The following PLEKHA6 variants were observed in gnomAD, a reference collection of about 807,000 sequenced individuals.
PLEKHA6 encodes the protein pleckstrin homology domain-containing family A member 6.
In PLEKHA6, 60 loss-of-function variants were observed where a neutral mutation model predicts 116.7. The ratio of observed to expected loss-of-function variants is 0.51; its 90% confidence interval spans 0.42 to 0.64. The LOEUF (loss-of-function observed/expected upper bound fraction) is 0.64. PLEKHA6 is among the 30% of genes least tolerant of loss of function. The pLI is 0.00. For missense variants in PLEKHA6, 1,338 were observed against 1,422.7 expected (o/e 0.94, Z 0.96); for synonymous variants, 489 against 556.1 (o/e 0.88, Z 1.70).
At chr1:204,325,307 A>G (rs1672203666) in intron 1 of PLEKHA6, among the ~76,000 whole-genome samples, 1 of 152,150 alleles carries the variant, frequency 6.6e-6, no homozygotes, top group Non-Finnish European at 1.5e-5. Context: ...CAATAAAGAG[A>G]AATGCAAACT....
rs752547213 is a variant in PLEKHA6, at chr1:204,259,209, C to T, written c.1007+49G>A. The T allele has an allele frequency of 2.5e-6, 4 of 1,586,876 alleles. No individual in the cohort carries two copies. The African/African-American group carries it at 4.0e-5, about 16-fold the overall frequency. On this transcript the variant is annotated intron_variant, in intron 8 of 22. Coordinates refer to ENST00000272203, the MANE Select transcript of PLEKHA6 (RefSeq NM_014935.5). The surrounding 1 kb of genome is among the most constrained non-coding windows in gnomAD (Gnocchi z 4.6). The stretch of plus-strand genomic sequence containing the variant: ...TGGGCTATGACCCCACTCGCACGCT[C>T]TAGCCATAATACCATATCAGCCCCA...
chr1:204,343,570 A>G (rs1672921838), intron 1 of PLEKHA6, among the ~76,000 whole-genome samples: 1 of 152,230 alleles, frequency 6.6e-6, no homozygotes, highest in Admixed American at 6.5e-5. Context: ...CTCTTGAAAC[A>G]ATGATAAACA....
intron 1 of PLEKHA6, among the ~76,000 whole-genome samples, chr1:204,335,609 C>T (rs551171136): frequency 6.6e-6 from 1 of 152,220 alleles, no homozygotes; most frequent in East Asian, 1.9e-4. Flanking sequence ...CAGCCCCCAG[C>T]TCCAGGACTG....
In PLEKHA6 at chr1:204,250,534, C is replaced by T. The variant is rs202076828; in HGVS notation, c.1593+12G>A. ...TGGAGTGGAGGGAGGGAGCAGGGGGCGCTGCTCTTACATCTGTGTCTTGCT... is the reference window on the plus strand; with the variant it reads ...TGGAGTGGAGGGAGGGAGCAGGGGGTGCTGCTCTTACATCTGTGTCTTGCT... On this transcript the variant is annotated intron_variant, in intron 10 of 22. Coordinates refer to ENST00000272203, the MANE Select transcript of PLEKHA6 (RefSeq NM_014935.5). 1.6e-3 allele frequency: 2,607 copies of T among 1,602,588 alleles called. 6 individuals are homozygous for T. Among genetic ancestry groups the T allele is most frequent in the Non-Finnish European group, 2.0e-3 (2,399 of 1,170,416 alleles).
chr1:204,248,914 G>T lies in PLEKHA6; in HGVS notation c.1731C>A (p.Ser577Arg). The change falls in exon 12 of 23, where the codon AGC becomes AGA. Residue 577 changes from serine (S) to arginine (R), a missense_variant. Transcript: ENST00000272203. The stretch of plus-strand genomic sequence containing the variant: ...GCAGCTTTTCTGGGTAGGCGGGCTG[G>T]CTTCCAAACATCTCCAGCTCCTGGT... ...GTHQELEMFG[S>R]QPAYPEKLRH... The T allele has an allele frequency of 6.2e-7, 1 of 1,614,070 alleles. No individual in the cohort carries two copies. The highest frequency in any genetic ancestry group is 8.5e-7 in the Non-Finnish European group (1 of 1,179,960).
intron 1 of PLEKHA6, among the ~76,000 whole-genome samples, chr1:204,285,485 G>GT (rs370431108): frequency 4.0e-5 from 6 of 148,990 alleles, no homozygotes; most frequent in East Asian, 4.0e-4. Context: ...TTTTGTTTTT[G>GT]TTTTTTTTGA....
intron 14 of PLEKHA6, 90 bp downstream of exon 14, chr1:204,245,525 T>G: frequency 1.2e-4 from 96 of 773,316 alleles, no homozygotes; most frequent in Non-Finnish European, 1.8e-4. Flanking sequence ...GAACACAGTG[T>G]GAGCTGGCAG....
intron 1 of PLEKHA6, chr1:204,296,986 T>C (rs543481380): frequency 6.1e-4 from 216 of 355,740 alleles, no homozygotes; most frequent in African/African-American, 4.4e-3. Context: ...AAGAAAGGAG[T>C]TCAGATTTAG....
chr1:204,318,202 C>T (rs1183201618), intron 1 of PLEKHA6, among the ~76,000 whole-genome samples: 1 of 152,172 alleles, frequency 6.6e-6, no homozygotes, highest in Non-Finnish European at 1.5e-5. Flanking sequence ...GGTGTCTGTC[C>T]TGGCTTTAGA....
Position 204,259,867 on chromosome 1 carries a change from A to C in PLEKHA6, c.525-127T>G. 1.0e-6 allele frequency: 1 copy of C among 968,576 alleles called. No individual in the cohort carries two copies. The highest frequency in any genetic ancestry group is 2.6e-5 in the East Asian group (1 of 38,512). 60.0% of individuals were successfully genotyped at this position (968,576 alleles called of 1,614,324 possible). On this transcript the variant is annotated intron_variant, in intron 7 of 22. Transcript: ENST00000272203. The surrounding 1 kb of genome is among the most constrained non-coding windows in gnomAD (Gnocchi z 4.6). ...GGGAGGTGGCTGGAACCAGGATTCT[A>C]TGAACTCCAGTTCTGCTTCCTAAGT...
Position 204,247,447 on chromosome 1 carries a change from CTGTT to C in PLEKHA6, c.1834_1837del (p.Asn612AlafsTer3). 7 of 1,611,764 alleles carry C rather than the reference CTGTT, an allele frequency of 4.3e-6. No individual in the cohort carries two copies. The highest frequency in any genetic ancestry group is 5.9e-6 in the Non-Finnish European group (7 of 1,178,190). ...CTCGAGGTGCTCATACTCTATGGTG[CTGTT>C]TGTCAGGGCCTACGGGGGAAAGAGG... On this transcript the variant is annotated frameshift_variant, in exon 13 of 23. Transcript: ENST00000272203. LOFTEE classifies it high-confidence loss of function.
intron 1 of PLEKHA6, among the ~76,000 whole-genome samples, chr1:204,293,487 A>C (rs1669977679): frequency 6.6e-6 from 1 of 152,144 alleles, no homozygotes; most frequent in Non-Finnish European, 1.5e-5. Context: ...AACATTAAAA[A>C]CCCATGATGA....
In PLEKHA6 at chr1:204,280,005, T is replaced by A. The variant is rs557915761; in HGVS notation, c.-94-5196A>T. Reference sequence around the variant, plus strand: ...TATGCCAGATGAAGGAGCGAAAAAATGAAAAATACTTAGTCCCAGGCTTAA... The same window carrying A: ...TATGCCAGATGAAGGAGCGAAAAAAAGAAAAATACTTAGTCCCAGGCTTAA... On this transcript the variant is annotated intron_variant, in intron 1 of 22. Transcript: ENST00000272203. 2.6e-5 allele frequency among the ~76,000 whole-genome samples: 4 copies of A among 151,982 alleles called. No individual in the cohort carries two copies. The East Asian group carries it at 7.7e-4, about 29-fold the overall frequency.
chr1:204,301,625 A>C, intron 1 of PLEKHA6: 1 of 220,024 alleles, frequency 4.5e-6, no homozygotes, highest in Non-Finnish European at 7.7e-6. Flanking sequence ...GGAAACAGAG[A>C]GAAGGGGGGC....
At chr1:204,362,259 A>T (rs1673576678), upstream of PLEKHA6, among the ~76,000 whole-genome samples, 1 of 152,178 alleles carries the variant, frequency 6.6e-6, no homozygotes, top group Non-Finnish European at 1.5e-5. Context: ...AGCCCAGAAG[A>T]GGAGAAGCAA....
chr1:204,228,016 G>C lies in PLEKHA6; in HGVS notation c.3031+67C>G, dbSNP rs1056235080. On this transcript the variant is annotated intron_variant, in intron 21 of 22. Transcript: ENST00000272203. This position sits in a 1 kb window ranked among gnomAD's most constrained non-coding sequence, Gnocchi z 4.0. ...ACTGCCCCCCTTGTAGCAGTGCCAC[G>C]CTTCCTCCCTTAAACCTGGTCAGCT... The C allele has an allele frequency of 2.6e-6, 4 of 1,519,960 alleles. No homozygotes were observed. In the South Asian group the frequency reaches 4.8e-5, roughly 18 times the overall value. 94.2% of individuals were successfully genotyped at this position (1,519,960 alleles called of 1,614,324 possible). A position where few individuals can be genotyped will look rare whatever the true frequency, so the allele number is the denominator to read the frequency against.
At chr1:204,269,305 T>G (rs1360642872) in intron 3 of PLEKHA6, among the ~76,000 whole-genome samples, 4 of 119,248 alleles carry the variant, frequency 3.4e-5, no homozygotes, top group Non-Finnish European at 7.3e-5. Flanking sequence ...GGCCCCATGG[T>G]GGAGTATATC....
At chr1:204,327,978 AGCTGGAGC>A (rs1672301074) in intron 1 of PLEKHA6, among the ~76,000 whole-genome samples, 3 of 152,222 alleles carry the variant, frequency 2.0e-5, no homozygotes. Context: ...TCAAAATTAG[AGCTGGAGC>A]CCTGGCTGCT....
At chr1:204,345,160 T>C (rs1288261045) in intron 1 of PLEKHA6, among the ~76,000 whole-genome samples, 1 of 152,194 alleles carries the variant, frequency 6.6e-6, no homozygotes, top group Non-Finnish European at 1.5e-5. Flanking sequence ...AAAATATAAC[T>C]TAATAAGTAT....
Sources: gnomAD v4.1 joint callset for allele counts (sites outside exome capture counted in the v4.1 genomes callset) on GRCh38, gnomAD v4.1.1 for gene constraint, Gnocchi (gnomAD v3.1) non-coding constraint, MANE v1.5 for transcripts, NCBI Gene and HGNC (gene_info 2026-07-23, HGNC 2026-07-21) for gene names.